Variants in KCNJ6 observed in about 807,000 individuals in gnomAD.
KCNJ6 encodes the protein G protein-activated inward rectifier potassium channel 2.
In KCNJ6, 9 loss-of-function variants were observed where a neutral mutation model predicts 34.2. The ratio of observed to expected loss-of-function variants is 0.26; its 90% CI spans 0.16 to 0.46. The LOEUF (loss-of-function observed/expected upper bound fraction) is 0.46, where lower values mean the gene tolerates loss of function less well. KCNJ6 is among the 20% of genes least tolerant of loss of function. KCNJ6 has a pLI of 1.00. For missense variants in KCNJ6, 236 were observed against 531.3 expected, an observed-to-expected ratio of 0.44 and a Z score of 5.46; for synonymous variants, 196 against 207.1, an observed-to-expected ratio of 0.95 and a Z score of 0.46.
chr21:37,781,093 G>A (rs185508423), intron 2 of KCNJ6, among the ~76,000 whole-genome samples: 20 of 152,214 alleles, frequency 1.3e-4, no homozygotes, highest in African/African-American at 4.6e-4. Flanking sequence ...AGCACACGCC[G>A]GCTGCTTCCA....
chr21:37,780,947 A>C (rs2055166399), intron 2 of KCNJ6, among the ~76,000 whole-genome samples: 1 of 152,212 alleles, frequency 6.6e-6, no homozygotes, highest in Admixed American at 6.5e-5. Flanking sequence ...GAGAAAGAGA[A>C]AGAAATAACA....
intron 2 of KCNJ6, among the ~76,000 whole-genome samples, chr21:37,808,957 A>C (rs990531881): frequency 6.6e-6 from 1 of 152,228 alleles, no homozygotes; most frequent in African/African-American, 2.4e-5. Flanking sequence ...TGTGGAAGCC[A>C]GTGTGGCGAT....
chr21:37,819,502 GAAA>G lies in KCNJ6; in HGVS notation c.25+21153_25+21155del, dbSNP rs998097056. ...TCTGAAAGGACATTATGTATTTAAG[GAAA>G]AAAAAAACTTCCCAGAACCTTATAT... On this transcript the variant is annotated intron_variant, in intron 2 of 3. Transcript: ENST00000609713. Among the ~76,000 whole-genome samples, 4 of 148,532 alleles carry G rather than the reference GAAA, an allele frequency of 2.7e-5. No homozygotes were observed. The East Asian group carries it at 7.9e-4, about 29-fold the overall frequency.
At chr21:37,796,536 T>G (rs1009473279) in intron 2 of KCNJ6, among the ~76,000 whole-genome samples, 9 of 152,134 alleles carry the variant, frequency 5.9e-5, no homozygotes, top group Non-Finnish European at 1.3e-4. Flanking sequence ...TTGTCCTATT[T>G]GCAATCAAGT....
intron 3 of KCNJ6, among the ~76,000 whole-genome samples, chr21:37,710,157 T>C (rs2054743807): frequency 6.6e-6 from 1 of 152,250 alleles, no homozygotes; most frequent in Admixed American, 6.5e-5. Flanking sequence ...GTATCCTGAT[T>C]CAAACAAGCT....
At chr21:37,830,702 A>G (rs2055421663) in intron 2 of KCNJ6, among the ~76,000 whole-genome samples, 1 of 152,198 alleles carries the variant, frequency 6.6e-6, no homozygotes, top group Non-Finnish European at 1.5e-5. Context: ...GGTGAGGGGC[A>G]ACGTGATCTC....
intron 2 of KCNJ6, among the ~76,000 whole-genome samples, chr21:37,795,729 C>T (rs1439907041): frequency 4.2e-5 from 6 of 143,852 alleles, no homozygotes; most frequent in African/African-American, 1.0e-4. Context: ...AGGGAAACTC[C>T]GTCTCAAAAA....
At chr21:37,888,945 T>C (rs988655545) in intron 1 of KCNJ6, among the ~76,000 whole-genome samples, 3 of 152,208 alleles carry the variant, frequency 2.0e-5, no homozygotes, top group Non-Finnish European at 4.4e-5. Context: ...TACACCTCAG[T>C]GGAGTTCACA....
chr21:37,885,631 G>A (rs1291625607), intron 1 of KCNJ6, among the ~76,000 whole-genome samples: 1 of 152,198 alleles, frequency 6.6e-6, no homozygotes, highest in Non-Finnish European at 1.5e-5. Flanking sequence ...GCAGTCCCAG[G>A]AGGGGAGCAC....
At chr21:37,660,751 G>A (rs1169837374) in intron 3 of KCNJ6, among the ~76,000 whole-genome samples, 2 of 152,208 alleles carry the variant, frequency 1.3e-5, no homozygotes, top group Non-Finnish European at 2.9e-5. Context: ...GCTTGTTGGA[G>A]AGCACGCTTA....
intron 2 of KCNJ6, among the ~76,000 whole-genome samples, chr21:37,715,748 C>T (rs371187629): frequency 6.6e-6 from 1 of 152,140 alleles, no homozygotes; most frequent in East Asian, 1.9e-4. Flanking sequence ...GGGGTGCACA[C>T]AAACAGAGGA....
At chr21:37,678,584 C>A (rs2054577413) in intron 3 of KCNJ6, among the ~76,000 whole-genome samples, 1 of 152,118 alleles carries the variant, frequency 6.6e-6, no homozygotes, top group Admixed American at 6.6e-5. Context: ...GAGAGGACTA[C>A]CTGCACTGAG....
At chr21:37,886,592 C>T (rs780272232) in intron 1 of KCNJ6, among the ~76,000 whole-genome samples, 6 of 152,172 alleles carry the variant, frequency 3.9e-5, no homozygotes, top group South Asian at 2.1e-4. Context: ...TAAGGCATCA[C>T]GCATATAGGC....
chr21:37,865,028 C>T (rs928637756), intron 1 of KCNJ6, among the ~76,000 whole-genome samples: 1 of 152,122 alleles, frequency 6.6e-6, no homozygotes, highest in African/African-American at 2.4e-5. Flanking sequence ...TCTCTATGCC[C>T]ATGAGGCTTC....
chr21:37,729,336 G>T (rs76021038), intron 2 of KCNJ6, among the ~76,000 whole-genome samples: 11 of 61,652 alleles, frequency 1.8e-4, no homozygotes, highest in South Asian at 1.2e-3. Context: ...CTTCTTTTTG[G>T]GGGGGGGGGC....
chr21:37,689,741 G>A (rs1326628456), intron 3 of KCNJ6, among the ~76,000 whole-genome samples: 2 of 151,952 alleles, frequency 1.3e-5, no homozygotes, highest in African/African-American at 2.4e-5. Context: ...ATGGCCCACC[G>A]TGAAAGAAAA....
intron 1 of KCNJ6, among the ~76,000 whole-genome samples, chr21:37,871,462 C>G (rs2055651943): frequency 6.6e-6 from 1 of 152,208 alleles, no homozygotes; most frequent in South Asian, 2.1e-4. Context: ...GCAGAATGTT[C>G]AGGTGAAGGG....
chr21:37,742,998 T>G (rs1057381515), intron 2 of KCNJ6, among the ~76,000 whole-genome samples: 1 of 152,160 alleles, frequency 6.6e-6, no homozygotes, highest in Non-Finnish European at 1.5e-5. Context: ...CCCCATAGAC[T>G]AGCGAAATCC....
chr21:37,744,491 C>T (rs1032196097), intron 2 of KCNJ6, among the ~76,000 whole-genome samples: 1 of 152,132 alleles, frequency 6.6e-6, no homozygotes, highest in Non-Finnish European at 1.5e-5. Context: ...TTCCAACCCA[C>T]CAAGCCATGT....
Sources: gnomAD v4.1 joint callset for allele counts (sites outside exome capture counted in the v4.1 genomes callset) on GRCh38, gnomAD v4.1.1 for gene constraint, MANE v1.5 for transcripts, NCBI Gene and HGNC (gene_info 2026-07-23, HGNC 2026-07-21) for gene names.